WWOX: variants seen among roughly 807,000 people sequenced by gnomAD.
The protein encoded by WWOX is WW domain containing oxidoreductase.
WWOX carries 69 observed loss-of-function variants against 46.2 expected under a neutral mutation model. That is an observed-to-expected ratio of 1.49 (90% CI 1.23 to 1.82). The LOEUF (loss-of-function observed/expected upper bound fraction) is 1.82. Ranked by LOEUF, WWOX falls within the 40% of genes most tolerant of loss-of-function variation. The pLI is 0.00. For missense variants in WWOX, 919 were observed against 542.6 expected (o/e 1.69, Z -6.89); for synonymous variants, 359 against 202.6 (o/e 1.77, Z -6.56).
At chr16:79,111,206 G>C (rs2049409809) in intron 8 of WWOX, among the ~76,000 whole-genome samples, 1 of 152,210 alleles carries the variant, frequency 6.6e-6, no homozygotes, top group Admixed American at 6.5e-5. Context: ...GCATCTTTAT[G>C]GTATGACCAA....
At chr16:78,984,446 CA>C (rs954652316) in intron 8 of WWOX, among the ~76,000 whole-genome samples, 5 of 152,168 alleles carry the variant, frequency 3.3e-5, no homozygotes, top group Non-Finnish European at 7.3e-5. Flanking sequence ...TGTTGTAGTG[CA>C]AAAGCAGCTG....
Position 78,264,015 on chromosome 16 carries a change from TG to T in WWOX, c.516+99727del, listed in dbSNP as rs67428922. ...TGAAATCTTTTTTTTTTTTTTTTTT[TG>T]TTTTTTTGCTGTGGAGCGCAAAATG... On this transcript the variant is annotated intron_variant, in intron 5 of 8. Transcript: ENST00000566780. Among the ~76,000 whole-genome samples the T allele has an allele frequency of 1.1e-3, 157 of 139,040 alleles. 27 individuals are homozygous for T. The highest frequency in any genetic ancestry group is 3.2e-3 in the Admixed American group (42 of 13,052). 91.2% of individuals were successfully genotyped at this position (139,040 alleles called of 152,430 possible). A position where few individuals can be genotyped will look rare whatever the true frequency, so the allele number is the denominator to read the frequency against.
chr16:78,422,866 CACACACACACACACACACAT>C (rs1314984238), intron 6 of WWOX, among the ~76,000 whole-genome samples: 2 of 145,254 alleles, frequency 1.4e-5, no homozygotes, highest in Admixed American at 6.9e-5. Context: ...CACACACACA[CACACACACACACACACACAT>C]ATATTTTTTT....
At chr16:78,219,525 G>T (rs1015802874) in intron 5 of WWOX, among the ~76,000 whole-genome samples, 1 of 152,108 alleles carries the variant, frequency 6.6e-6, no homozygotes, top group Non-Finnish European at 1.5e-5. Flanking sequence ...TTAAATTGAT[G>T]CAACCCCACA....
Position 78,996,160 on chromosome 16 carries a change from T to TTC in WWOX, c.1057-215447_1057-215446insCT, listed in dbSNP as rs2046983578. On this transcript the variant is annotated intron_variant, in intron 8 of 8. Transcript: ENST00000566780. Reference sequence around the variant, plus strand: ...AATGTTCTTTTTTTTAATTTTTTTTTTAACGAAACTCACATCTTCTTTAAA... The same window carrying TTC: ...AATGTTCTTTTTTTTAATTTTTTTTTTCTAACGAAACTCACATCTTCTTTAAA... The TTC allele has an allele frequency of 4.1e-6, 4 of 968,818 alleles. No homozygotes were observed. The South Asian group carries it at 1.9e-4, about 46-fold the overall frequency. 60.0% of individuals were successfully genotyped at this position (968,818 alleles called of 1,614,324 possible).
intron 8 of WWOX, among the ~76,000 whole-genome samples, chr16:78,473,410 A>G (rs182172576): frequency 1.4e-5 from 2 of 146,898 alleles, no homozygotes; most frequent in East Asian, 1.9e-4. Context: ...GATTACAGAC[A>G]TGAGCCGACC....
At chr16:79,122,167 C>T (rs2049648213) in intron 8 of WWOX, among the ~76,000 whole-genome samples, 2 of 152,252 alleles carry the variant, frequency 1.3e-5, no homozygotes, top group Admixed American at 1.3e-4. Flanking sequence ...AAATCATCCG[C>T]CACTTGCTTC....
In WWOX at chr16:78,381,114, C is replaced by G. The variant is rs2081946862; in HGVS notation, c.517-5746C>G. ...TTCCAGGGCAGCCTGGCTCTGGTGT[C>G]TTTGCTGCAATGACAATATCTCCCC... On this transcript the variant is annotated intron_variant, in intron 5 of 8. Transcript: ENST00000566780. Among the ~76,000 whole-genome samples, 3 of 152,178 alleles carry G rather than the reference C, an allele frequency of 2.0e-5. No homozygotes were observed. The South Asian group carries it at 6.2e-4, about 32-fold the overall frequency.
chr16:78,186,240 CTTT>C (rs34202784), intron 5 of WWOX, among the ~76,000 whole-genome samples: 2 of 144,196 alleles, frequency 1.4e-5, no homozygotes, highest in African/African-American at 2.5e-5. Context: ...TTCTTTTTAC[CTTT>C]TTTTTTTTTT....
At chr16:78,388,687 C>T (rs1367779090) in intron 6 of WWOX, among the ~76,000 whole-genome samples, 8 of 144,292 alleles carry the variant, frequency 5.5e-5, no homozygotes, top group Non-Finnish European at 1.2e-4. Context: ...AGTTTGTACT[C>T]AGCCTGGCGT....
intron 8 of WWOX, chr16:78,534,516 G>C (rs2043709636): frequency 6.6e-6 from 1 of 152,108 alleles, no homozygotes; most frequent in Admixed American, 6.5e-5. Flanking sequence ...AATTTCAAGA[G>C]TGACATTTTG....
intron 8 of WWOX, among the ~76,000 whole-genome samples, chr16:79,017,666 G>A (rs1009337399): frequency 6.6e-6 from 1 of 151,830 alleles, no homozygotes; most frequent in African/African-American, 2.4e-5. Flanking sequence ...TATAGACACT[G>A]AAATTTGAAT....
chr16:79,211,213 G>A (rs541713425), intron 8 of WWOX, among the ~76,000 whole-genome samples: 2 of 152,146 alleles, frequency 1.3e-5, no homozygotes, highest in African/African-American at 2.4e-5. Flanking sequence ...TTCTACAAAC[G>A]ATTTGGTATC....
intron 5 of WWOX, among the ~76,000 whole-genome samples, chr16:78,320,434 T>G (rs1448147491): frequency 2.6e-5 from 4 of 152,202 alleles, no homozygotes; most frequent in African/African-American, 9.6e-5. Context: ...GTGGACACAT[T>G]GTGCATTTGT....
intron 8 of WWOX, among the ~76,000 whole-genome samples, chr16:79,065,120 T>A (rs2048419000): frequency 6.6e-6 from 1 of 152,202 alleles, no homozygotes; most frequent in South Asian, 2.1e-4. Flanking sequence ...TTGTTTCTCT[T>A]CGCTATGGGG....
At chr16:78,758,051 C>G (rs1030133114) in intron 8 of WWOX, among the ~76,000 whole-genome samples, 2 of 151,888 alleles carry the variant, frequency 1.3e-5, no homozygotes, top group African/African-American at 2.4e-5. Flanking sequence ...ACAATGTGCC[C>G]CTATTATTAT....
rs76371038 is a variant in WWOX at position 78,725,840 on chromosome 16, T to C, written c.1056+293088T>C. 2.0e-4 allele frequency among the ~76,000 whole-genome samples: 31 copies of C among 152,208 alleles called. No individual in the cohort carries two copies. In the East Asian group the frequency reaches 5.8e-3, roughly 29 times the overall value. Reference sequence around the variant, plus strand: ...GCGGTGCTTGGTGTTCCTTGGCTTGTAGGTGCATCACTCCAATCTGCCTTT... The same window carrying C: ...GCGGTGCTTGGTGTTCCTTGGCTTGCAGGTGCATCACTCCAATCTGCCTTT... On this transcript the variant is annotated intron_variant, in intron 8 of 8. Transcript: ENST00000566780.
At chr16:78,973,866 A>G (rs1292696348) in intron 8 of WWOX, among the ~76,000 whole-genome samples, 2 of 152,174 alleles carry the variant, frequency 1.3e-5, no homozygotes, top group Admixed American at 6.5e-5. Flanking sequence ...GAAAACGGAA[A>G]TTTCTATCTC....
chr16:78,729,497 A>G (rs575632717), intron 8 of WWOX, among the ~76,000 whole-genome samples: 3 of 152,168 alleles, frequency 2.0e-5, no homozygotes, highest in Non-Finnish European at 4.4e-5. Context: ...TGAGAAAGAC[A>G]GAAGAGGAGG....
Sources: allele counts gnomAD v4.1 joint callset (sites outside exome capture counted in the v4.1 genomes callset), GRCh38; gene constraint gnomAD v4.1.1; transcripts MANE v1.5; gene names NCBI Gene and HGNC (gene_info 2026-07-23, HGNC 2026-07-21).